INSL6: variants seen among roughly 807,000 people sequenced by gnomAD.
INSL6 encodes the protein insulin-like peptide INSL6.
In INSL6, 16 loss-of-function variants were observed where a neutral mutation model predicts 9.4. The observed-to-expected ratio is 1.70, with a 90% CI of 1.15 to 2.59. The LOEUF is 2.59. INSL6 is among the 30% of genes most tolerant of loss of function. INSL6 has a pLI of 0.00. For synonymous variants in INSL6, 154 were observed against 96.9 expected (o/e 1.59, Z -3.46); for missense variants, 391 against 257.3 (o/e 1.52, Z -3.56).
At chr9:5,056,877 T>C in the INSL6 span, among the ~76,000 whole-genome samples, 1 of 152,290 alleles carries the variant, frequency 6.6e-6, no homozygotes, top group South Asian at 2.1e-4. Flanking sequence ...TTAAGTAACT[T>C]TCCAAGGGCA....
the INSL6 span, among the ~76,000 whole-genome samples, chr9:5,106,084 G>T: frequency 6.6e-6 from 1 of 152,074 alleles, no homozygotes; most frequent in Non-Finnish European, 1.5e-5. Flanking sequence ...CAACTAAACA[G>T]CTGCACAGCA....
the INSL6 span, among the ~76,000 whole-genome samples, chr9:5,023,895 TTTTTTTAGCTTTTAAGA>T: frequency 6.6e-6 from 1 of 152,066 alleles, no homozygotes; most frequent in Non-Finnish European, 1.5e-5. Flanking sequence ...GCTTGTAAGA[TTTTTTTAGCTTTTAAGA>T]TTTTTTAGCT....
chr9:5,141,691 TTC>T (rs1006536256), intron 2 of INSL6, among the ~76,000 whole-genome samples: 70 of 152,212 alleles, frequency 4.6e-4, no homozygotes, highest in African/African-American at 1.7e-3. Context: ...TGATGATAGT[TTC>T]TTTTGCTGGG....
the INSL6 span, chr9:5,090,448 C>A: frequency 6.5e-7 from 1 of 1,542,454 alleles, no homozygotes; most frequent in South Asian, 1.3e-5. Flanking sequence ...GTTAAAAGGT[C>A]GGCGTAATCT....
chr9:5,084,166 T>A, the INSL6 span, among the ~76,000 whole-genome samples: 2 of 152,170 alleles, frequency 1.3e-5, no homozygotes, highest in Admixed American at 1.3e-4. Flanking sequence ...ACATGTACAA[T>A]GAAATATATT....
chr9:5,145,910 T>G (rs1439345460), intron 2 of INSL6, among the ~76,000 whole-genome samples: 3 of 152,184 alleles, frequency 2.0e-5, no homozygotes, highest in Non-Finnish European at 4.4e-5. Context: ...CTCAGTGAAC[T>G]TCATTCCTAT....
At chr9:5,180,395 G>A (rs1419613216) in intron 1 of INSL6, among the ~76,000 whole-genome samples, 2 of 152,126 alleles carry the variant, frequency 1.3e-5, no homozygotes, top group African/African-American at 4.8e-5. Flanking sequence ...CTGCGGGGTT[G>A]GGCAAAAAGA....
the INSL6 span, among the ~76,000 whole-genome samples, chr9:5,062,952 T>C: frequency 4.6e-5 from 7 of 152,194 alleles, no homozygotes; most frequent in Non-Finnish European, 8.8e-5. Context: ...CCACAATGTA[T>C]GTTAGGTATA....
the INSL6 span, among the ~76,000 whole-genome samples, chr9:4,998,747 A>C: frequency 9.3e-3 from 1,420 of 152,074 alleles, 7 homozygotes; most frequent in Admixed American, 0.015. Context: ...AAAACAAAAA[A>C]AAAAACAACA....
At chr9:5,049,788 G>C in the INSL6 span, among the ~76,000 whole-genome samples, 1 of 152,130 alleles carries the variant, frequency 6.6e-6, no homozygotes, top group African/African-American at 2.4e-5. Flanking sequence ...ATATGTTATA[G>C]CCTAGTATAT....
chr9:5,042,124 CTT>C, the INSL6 span, among the ~76,000 whole-genome samples: 1 of 107,612 alleles, frequency 9.3e-6, no homozygotes, highest in African/African-American at 3.8e-5. Flanking sequence ...GCCAAAATTT[CTT>C]TTTTTTTTTT....
At chr9:5,009,983 G>A in the INSL6 span, among the ~76,000 whole-genome samples, 1 of 152,238 alleles carries the variant, frequency 6.6e-6, no homozygotes, top group African/African-American at 2.4e-5. Context: ...ATGTTGCCGG[G>A]GCTAGTCTTG....
At chr9:5,039,980 AG>A in the INSL6 span, among the ~76,000 whole-genome samples, 1 of 152,234 alleles carries the variant, frequency 6.6e-6, no homozygotes, top group Non-Finnish European at 1.5e-5. Flanking sequence ...TTATATAAAA[AG>A]CAAAGGGACT....
the INSL6 span, chr9:5,050,803 A>G: frequency 6.2e-7 from 1 of 1,613,358 alleles, no homozygotes. Context: ...AAACGATCAA[A>G]CCCCACTGGC....
intron 1 of INSL6, among the ~76,000 whole-genome samples, chr9:5,179,876 G>A (rs1825407424): frequency 6.6e-6 from 1 of 152,134 alleles, no homozygotes; most frequent in African/African-American, 2.4e-5. Context: ...AGTATCAGGA[G>A]GAATAGCTAA....
the INSL6 span, chr9:5,108,805 T>G: frequency 6.6e-6 from 1 of 152,110 alleles, no homozygotes; most frequent in Non-Finnish European, 1.5e-5. Flanking sequence ...CATATACCAC[T>G]TGTCATCATA....
chr9:5,128,382 G>GAA, intron 3 of INSL6, among the ~76,000 whole-genome samples: 1 of 151,730 alleles, frequency 6.6e-6, no homozygotes, highest in Non-Finnish European at 1.5e-5. Context: ...AGATTTTTTT[G>GAA]AAAGTTTAAT....
chr9:5,079,744 C>T, the INSL6 span, among the ~76,000 whole-genome samples: 1 of 151,920 alleles, frequency 6.6e-6, no homozygotes, highest in East Asian at 1.9e-4. Flanking sequence ...CACTTAAGCC[C>T]AAGAGGTCAA....
At chr9:5,109,226 T>C in the INSL6 span, 13 of 152,332 alleles carry the variant, frequency 8.5e-5, no homozygotes, top group South Asian at 2.7e-3. Flanking sequence ...AATACATTAA[T>C]ATTTATACAT....
Sources: allele counts gnomAD v4.1 joint callset (sites outside exome capture counted in the v4.1 genomes callset), GRCh38; gene constraint gnomAD v4.1.1; transcripts MANE v1.5; gene names NCBI Gene and HGNC (gene_info 2026-07-23, HGNC 2026-07-21).